The following ME3 variants were observed in gnomAD, a reference collection of about 807,000 sequenced individuals.
ME3 encodes the protein malic enzyme 3.
ME3 carries 48 observed loss-of-function variants against 68.9 expected under a neutral mutation model. The ratio of observed to expected loss-of-function variants is 0.70; its 90% CI spans 0.55 to 0.89. ME3 has a LOEUF of 0.89. Ranked by LOEUF, ME3 falls within the 40% of genes least tolerant of loss-of-function variation. The pLI is 0.00. For synonymous variants in ME3, 320 were observed against 318.8 expected (o/e 1.00, Z -0.04); for missense variants, 675 against 797.4 (o/e 0.85, Z 1.85).
intron 3 of ME3, among the ~76,000 whole-genome samples, chr11:86,558,893 C>A (rs1957061977): frequency 6.6e-6 from 1 of 152,116 alleles, no homozygotes; most frequent in African/African-American, 2.4e-5. Flanking sequence ...GTAACTTTTG[C>A]CATTAAGAGG....
chr11:86,513,789 G>A (rs1173769618), intron 4 of ME3, among the ~76,000 whole-genome samples: 1 of 152,164 alleles, frequency 6.6e-6, no homozygotes, highest in Non-Finnish European at 1.5e-5. Flanking sequence ...AAGCAGCTCA[G>A]AGAAGATATA....
chr11:86,636,373 G>A (rs1004565169), intron 2 of ME3, among the ~76,000 whole-genome samples: 4 of 151,930 alleles, frequency 2.6e-5, no homozygotes, highest in African/African-American at 9.7e-5. Context: ...ATGCTTTTAG[G>A]ACACTGCCTG....
chr11:86,483,471 T>C (rs1195203971), intron 7 of ME3, among the ~76,000 whole-genome samples: 1 of 152,082 alleles, frequency 6.6e-6, no homozygotes, highest in Non-Finnish European at 1.5e-5. Flanking sequence ...AGAGAAATTG[T>C]GATTTCCAAT....
chr11:86,645,440 C>A (rs532952014), intron 2 of ME3, among the ~76,000 whole-genome samples: 4 of 152,296 alleles, frequency 2.6e-5, no homozygotes, highest in East Asian at 1.9e-4. Context: ...GTAAACAAAG[C>A]CACCAGGAAG....
intron 2 of ME3, among the ~76,000 whole-genome samples, chr11:86,651,654 G>A (rs532532597): frequency 3.9e-5 from 6 of 152,334 alleles, no homozygotes; most frequent in African/African-American, 1.4e-4. Flanking sequence ...AAAAAACAGA[G>A]CAGAAATGCT....
intron 2 of ME3, among the ~76,000 whole-genome samples, chr11:86,616,438 G>T (rs576641703): frequency 6.6e-6 from 1 of 152,132 alleles, no homozygotes; most frequent in Non-Finnish European, 1.5e-5. Flanking sequence ...GCAAGTCATT[G>T]TGGGATTTTA....
At chr11:86,637,355 A>T (rs994567430) in intron 2 of ME3, among the ~76,000 whole-genome samples, 1 of 151,366 alleles carries the variant, frequency 6.6e-6, no homozygotes, top group Admixed American at 6.8e-5. Flanking sequence ...AGCACAAAAA[A>T]AAAAAAAAAA....
chr11:86,589,404 G>A (rs1945035), intron 2 of ME3, among the ~76,000 whole-genome samples: 40,416 of 151,752 alleles, frequency 0.27, 5,803 homozygotes, highest in East Asian at 0.53. Context: ...AATGAATGAT[G>A]AATGAATGAA....
chr11:86,527,480 GA>G (rs1565903615), intron 4 of ME3, among the ~76,000 whole-genome samples: 2 of 152,174 alleles, frequency 1.3e-5, no homozygotes, highest in South Asian at 4.1e-4. Context: ...ATCTAGTCAG[GA>G]AGGTCAACAT....
intron 4 of ME3, among the ~76,000 whole-genome samples, chr11:86,545,930 T>G (rs1956334832): frequency 6.6e-6 from 1 of 152,202 alleles, no homozygotes; most frequent in South Asian, 2.1e-4. Flanking sequence ...AAGGCTTCAG[T>G]AACCAAAATA....
intron 2 of ME3, among the ~76,000 whole-genome samples, chr11:86,668,480 C>T (rs1946714656): frequency 6.6e-6 from 1 of 152,124 alleles, no homozygotes; most frequent in African/African-American, 2.4e-5. Flanking sequence ...CTGAACAATT[C>T]CAGACTAGAT....
At chr11:86,604,495 T>C (rs1961315011) in intron 2 of ME3, among the ~76,000 whole-genome samples, 1 of 152,178 alleles carries the variant, frequency 6.6e-6, no homozygotes, top group Non-Finnish European at 1.5e-5. Flanking sequence ...CATTGCTCCC[T>C]ACATGTTATA....
At chr11:86,556,911 T>C (rs115927391) in intron 3 of ME3, among the ~76,000 whole-genome samples, 2,649 of 151,982 alleles carry the variant, frequency 0.017, 81 homozygotes, top group African/African-American at 0.058. Context: ...GTGTAGATAC[T>C]GTTCTAAATA....
At chr11:86,483,874 A>C (rs890698866) in intron 7 of ME3, among the ~76,000 whole-genome samples, 7 of 152,254 alleles carry the variant, frequency 4.6e-5, no homozygotes, top group African/African-American at 1.7e-4. Flanking sequence ...TAAGTAACAG[A>C]AATGAAAAAT....
intron 4 of ME3, among the ~76,000 whole-genome samples, chr11:86,513,872 A>C (rs1953709568): frequency 6.6e-6 from 1 of 152,160 alleles, no homozygotes; most frequent in Non-Finnish European, 1.5e-5. Context: ...TTTCACTCAG[A>C]AGATACCATT....
intron 4 of ME3, among the ~76,000 whole-genome samples, chr11:86,546,236 A>G (rs1956352607): frequency 6.6e-6 from 1 of 152,208 alleles, no homozygotes. Context: ...AAGCAATACC[A>G]TTCAGGACAC....
intron 4 of ME3, among the ~76,000 whole-genome samples, chr11:86,543,910 A>G (rs370308787): frequency 0.075 from 10,618 of 142,232 alleles, 518 homozygotes; most frequent in African/African-American, 0.094. Flanking sequence ...TGGAAGTAAA[A>G]CACTCCTCAG....
At chr11:86,519,626 G>A (rs967246586) in intron 4 of ME3, among the ~76,000 whole-genome samples, 3 of 152,198 alleles carry the variant, frequency 2.0e-5, no homozygotes, top group African/African-American at 7.2e-5. Context: ...AAGGCTCGCT[G>A]TTGCCAATGG....
At chr11:86,567,547 C>G (rs1307141130) in intron 2 of ME3, among the ~76,000 whole-genome samples, 1 of 152,194 alleles carries the variant, frequency 6.6e-6, no homozygotes, top group African/African-American at 2.4e-5. Flanking sequence ...CTAATTATGA[C>G]ATCATCTTTG....
Sources: allele counts gnomAD v4.1 joint callset (sites outside exome capture counted in the v4.1 genomes callset), GRCh38; gene constraint gnomAD v4.1.1; transcripts MANE v1.5; gene names NCBI Gene and HGNC (gene_info 2026-07-23, HGNC 2026-07-21).